Variants in SMARCA4 observed in about 807,000 individuals in gnomAD.
The protein encoded by SMARCA4 is SWI/SNF related BAF chromatin remodeling complex subunit ATPase 4.
A neutral mutation model predicts 193.9 loss-of-function variants in SMARCA4; 31 were observed. That is an observed-to-expected ratio of 0.16 (90% CI 0.12 to 0.22). SMARCA4 has a LOEUF of 0.22. SMARCA4 is among the 10% of genes least tolerant of loss of function. The probability of loss-of-function intolerance (pLI) is 1.00; values close to 1 mark genes in which losing one functional copy is unlikely to be tolerated. For synonymous variants in SMARCA4, 942 were observed against 933.1 expected, an observed-to-expected ratio of 1.01 and a Z score of -0.17; for missense variants, 1,148 against 2,296.0, an observed-to-expected ratio of 0.50 and a Z score of 10.22.
rs1013124449 is a variant in SMARCA4 at position 11,032,982 on chromosome 19, C to T, written c.3547-308C>T. 4 of 468,830 alleles carry T rather than the reference C, an allele frequency of 8.5e-6. No homozygotes were observed. The Admixed American group carries it at 1.0e-4, about 12-fold the overall frequency. The allele number at this position is 468,830 out of a possible 1,614,324, so 29.0% of individuals were successfully genotyped here. ...CACGCTGTGGGGAGCTGTGCCGCTGCCACGGGAGCTGCTTGAGAATATAAT... is the reference window on the plus strand; with the variant it reads ...CACGCTGTGGGGAGCTGTGCCGCTGTCACGGGAGCTGCTTGAGAATATAAT... On this transcript the variant is annotated intron_variant, in intron 25 of 34. Transcript: ENST00000344626.
chr19:10,996,679 C>T (rs2087087910), intron 11 of SMARCA4, 135 bp downstream of exon 11: 5 of 869,078 alleles, frequency 5.8e-6, no homozygotes, highest in Non-Finnish European at 7.7e-6. Context: ...AGGGTGTCCT[C>T]TGACGCCCAT....
rs2145796622 is a variant in SMARCA4, at chr19:10,986,950, C to T, written c.806C>T (p.Pro269Leu). The T allele has an allele frequency of 6.2e-7, 1 of 1,611,100 alleles. No individual in the cohort carries two copies. The highest frequency in any genetic ancestry group is 8.5e-7 in the Non-Finnish European group (1 of 1,179,904). Residue 269 changes from proline to leucine, a missense_variant, in exon 5 of 35, where the codon CCC becomes CTC. Pro to Leu is a moderately conservative substitution (Grantham distance 98, BLOSUM62 -3). Around this residue, in one of 17 missense-constraint regions of SMARCA4, gnomAD observed 257 missense variants for 276.5 expected, o/e 0.93. Coordinates refer to ENST00000344626, the MANE Select transcript of SMARCA4 (RefSeq NM_003072.5). The surrounding 1 kb of genome is among the most constrained non-coding windows in gnomAD (Gnocchi z 6.7). ...CCTCCCCCAGGACCCTCGGGCGTGC[C>T]CCCCGGGATGCCAGGCCAGCCTCCT... Reference protein sequence around the residue: ...NMPPPGPSGVPPGMPGQPPGG... With the variant: ...NMPPPGPSGVLPGMPGQPPGG...
At chr19:11,023,722 T>C (rs1390702590) in intron 20 of SMARCA4, 91 bp downstream of exon 20, 1 of 791,940 alleles carries the variant, frequency 1.3e-6, no homozygotes, top group African/African-American at 1.7e-5. Flanking sequence ...CTCCCCACAG[T>C]CCCAGGCCTG....
intron 13 of SMARCA4, among the ~76,000 whole-genome samples, chr19:11,006,249 A>G (rs1041535194): frequency 3.3e-5 from 5 of 152,274 alleles, no homozygotes; most frequent in African/African-American, 7.2e-5. Context: ...ATTCTTGTCT[A>G]TGTTATCAAT....
At chr19:11,051,652 A>G (rs996183790) in intron 30 of SMARCA4, among the ~76,000 whole-genome samples, 2 of 151,926 alleles carry the variant, frequency 1.3e-5, no homozygotes, top group East Asian at 2.0e-4. Flanking sequence ...CACCACGCCC[A>G]GCTAATTTTT....
intron 13 of SMARCA4, among the ~76,000 whole-genome samples, chr19:11,007,141 G>A (rs961870148): frequency 2.0e-5 from 3 of 150,930 alleles, no homozygotes; most frequent in Admixed American, 1.3e-4. Context: ...AACCAAAAAC[G>A]GTTTACTGGG....
At chr19:10,989,240 G>T (rs2145843135) in intron 6 of SMARCA4, 77 bp from the exon 7 acceptor site, 1 of 1,576,734 alleles carries the variant, frequency 6.3e-7, no homozygotes. Flanking sequence ...TCGAGGGATG[G>T]GTCCCCTGCA....
At chr19:11,049,485 GTT>G (rs56043428) in intron 30 of SMARCA4, among the ~76,000 whole-genome samples, 10 of 142,858 alleles carry the variant, frequency 7.0e-5, no homozygotes, top group African/African-American at 1.3e-4. Context: ...TGGGTTCTGT[GTT>G]TTTTTTTTTT....
At chr19:11,039,250 A>T (rs1329444861) in intron 29 of SMARCA4, among the ~76,000 whole-genome samples, 3 of 152,158 alleles carry the variant, frequency 2.0e-5, no homozygotes, top group African/African-American at 7.2e-5. Context: ...GCTACTTGGG[A>T]GGCTGAGTCA....
intron 30 of SMARCA4, among the ~76,000 whole-genome samples, chr19:11,047,094 A>G (rs1426824680): frequency 1.3e-5 from 2 of 152,190 alleles, no homozygotes; most frequent in Non-Finnish European, 2.9e-5. Context: ...AGACAAACTC[A>G]GGGTCCACAG....
At chr19:11,052,074 A>G (rs2076293041) in intron 30 of SMARCA4, among the ~76,000 whole-genome samples, 1 of 152,146 alleles carries the variant, frequency 6.6e-6, no homozygotes, top group African/African-American at 2.4e-5. Context: ...CAGCCTGGGC[A>G]ACAGAGCGAG....
chr19:11,030,032 G>A lies in SMARCA4; in HGVS notation c.3383-698G>A, dbSNP rs945962699. ...TCAGTGTTCAGGGGCACCTCTGTCC[G>A]AACTCCCAGCAGCGCAGGGAGTGTT... On this transcript the variant is annotated intron_variant, in intron 24 of 34. Coordinates refer to ENST00000344626, the MANE Select transcript of SMARCA4 (RefSeq NM_003072.5). The surrounding 1 kb of genome is among the most constrained non-coding windows in gnomAD (Gnocchi z 5.5). 1.3e-5 allele frequency among the ~76,000 whole-genome samples: 2 copies of A among 152,178 alleles called. No homozygotes were observed. The highest frequency in any genetic ancestry group is 1.5e-5 in the Non-Finnish European group (1 of 68,004).
At position 11,003,512 on chromosome 19, in the gene SMARCA4, G is replaced by T. The variant is rs1277214703; in HGVS notation, c.2001+115G>T. On this transcript the variant is annotated intron_variant, in intron 13 of 34. Coordinates refer to ENST00000344626, the MANE Select transcript of SMARCA4 (RefSeq NM_003072.5). Reference sequence around the variant, plus strand: ...TGGGCATCTTGTGGGGCAGGGAACAGCAGGGCCCAGGCCTGCCCGAAGTCG... The same window carrying T: ...TGGGCATCTTGTGGGGCAGGGAACATCAGGGCCCAGGCCTGCCCGAAGTCG... 3 of 1,000,898 alleles carry T rather than the reference G, an allele frequency of 3.0e-6. 1 individual carries two copies. Among genetic ancestry groups the T allele is most frequent in the South Asian group, 2.6e-5 (2 of 78,346 alleles). 62.0% of individuals were successfully genotyped at this position (1,000,898 alleles called of 1,614,324 possible).
chr19:10,964,608 G>C (rs112394489), intron 1 of SMARCA4, among the ~76,000 whole-genome samples: 3 of 149,558 alleles, frequency 2.0e-5, no homozygotes, highest in African/African-American at 7.4e-5. Context: ...ATGAGCCACC[G>C]CGCCCGGCCT....
rs773914449 is a variant in SMARCA4 at position 11,034,991 on chromosome 19, C to T, written c.4029C>T (p.Leu1343=). 1 of 1,609,496 alleles carries T rather than the reference C, an allele frequency of 6.2e-7. No homozygotes were observed. Among genetic ancestry groups the T allele is most frequent in the Non-Finnish European group, 8.5e-7 (1 of 1,178,588 alleles). The change falls in exon 29 of 35, where the codon CTC becomes CTT. Residue 1343 remains leucine (L), a synonymous_variant. Transcript: ENST00000344626. The surrounding 1 kb of genome is among the most constrained non-coding windows in gnomAD (Gnocchi z 7.0). ...RKPRLMEEDE[L]PSWIIKDDAE... is the part of the protein sequence containing the mutation. Reference sequence around the variant, plus strand: ...CGCGCCTCATGGAGGAGGACGAGCTCCCCTCGTGGATCATCAAGGACGACG... The same window carrying T: ...CGCGCCTCATGGAGGAGGACGAGCTTCCCTCGTGGATCATCAAGGACGACG...
chr19:10,975,669 T>G (rs901085259), intron 1 of SMARCA4, among the ~76,000 whole-genome samples: 1 of 152,108 alleles, frequency 6.6e-6, no homozygotes, highest in African/African-American at 2.4e-5. Context: ...GGGTTCTGAT[T>G]GCTGGGCAAT....
rs139335250 is a variant in SMARCA4 at position 11,061,804 on chromosome 19, C to T, written c.4932C>T (p.Ser1644=). 1.4e-4 allele frequency: 229 copies of T among 1,613,976 alleles called. No individual in the cohort carries two copies. Among genetic ancestry groups the T allele is most frequent in the African/African-American group, 4.0e-4 (30 of 75,044 alleles). Residue 1644 remains serine, a synonymous_variant, in exon 35 of 35, where the codon AGC becomes AGT. Transcript: ENST00000344626. ...TCCAGGACCGCTCAGGAAGTGGCAGCGAAGAAGACTGAGCCCCGACATTCC... is the reference window on the plus strand; with the variant it reads ...TCCAGGACCGCTCAGGAAGTGGCAGTGAAGAAGACTGAGCCCCGACATTCC... The part of the protein sequence containing the change: ...EQEEDRSGSG[S]EED
chr19:11,050,536 A>G (rs2076200390), intron 30 of SMARCA4, among the ~76,000 whole-genome samples: 1 of 152,208 alleles, frequency 6.6e-6, no homozygotes. Context: ...CTGCCTTGCC[A>G]ATTCGTGGTG....
In SMARCA4 at chr19:11,019,094, C is replaced by A; in HGVS notation, c.2505+71C>A. ...GGCGGTGGTGGGCAGGACGTCCACA[C>A]ATACCTCTGGACAGTGAACCTGAGA... On this transcript the variant is annotated intron_variant, in intron 17 of 34. Transcript: ENST00000344626. The surrounding 1 kb of genome is among the most constrained non-coding windows in gnomAD (Gnocchi z 6.1). The A allele has an allele frequency of 8.8e-7, 1 of 1,142,488 alleles. No homozygotes were observed. The highest frequency in any genetic ancestry group is 1.3e-6 in the Non-Finnish European group (1 of 750,046). 70.8% of individuals were successfully genotyped at this position (1,142,488 alleles called of 1,614,324 possible).
Sources: allele counts gnomAD v4.1 joint callset (sites outside exome capture counted in the v4.1 genomes callset), GRCh38; gene constraint gnomAD v4.1.1; regional missense constraint gnomAD v4.1.1; non-coding constraint Gnocchi (gnomAD v3.1); transcripts MANE v1.5; gene names NCBI Gene and HGNC (gene_info 2026-07-23, HGNC 2026-07-21).